The following CSDE1 variants were observed in gnomAD, a reference collection of about 807,000 sequenced individuals.
CSDE1 encodes the protein cold shock domain-containing protein E1.
In CSDE1, 17 loss-of-function variants were observed where a neutral mutation model predicts 89.3. The ratio of observed to expected loss-of-function variants is 0.19; its 90% CI spans 0.13 to 0.29. The LOEUF is 0.29. Ranked by LOEUF, CSDE1 falls within the 10% of genes least tolerant of loss-of-function variation. The pLI is 1.00. For missense variants in CSDE1, 672 were observed against 984.2 expected (o/e 0.68, Z 4.24); for synonymous variants, 322 against 332.8 (o/e 0.97, Z 0.35).
At position 114,717,969 on chromosome 1, in the gene CSDE1, G is replaced by A; in HGVS notation, c.*200C>T. Reference sequence around the variant, plus strand: ...CCTTAAGTTTTTCCAGGCTGCAACTGTGCATTATTTAAAATGGTTTTCTTA... The same window carrying A: ...CCTTAAGTTTTTCCAGGCTGCAACTATGCATTATTTAAAATGGTTTTCTTA... On this transcript the variant is annotated 3_prime_UTR_variant, in exon 20 of 20. Coordinates refer to ENST00000358528, the MANE Select transcript of CSDE1 (RefSeq NM_001007553.3). The A allele has an allele frequency of 1.8e-6, 1 of 569,978 alleles. No homozygotes were observed. The allele number at this position is 569,978 out of a possible 1,614,324, so 35.3% of individuals were successfully genotyped here. A position where few individuals can be genotyped will look rare whatever the true frequency, so the allele number is the denominator to read the frequency against.
Position 114,750,574 on chromosome 1 carries a change from G to T in CSDE1, c.-387-367C>A, listed in dbSNP as rs75605778. On this transcript the variant is annotated intron_variant, in intron 1 of 19. Transcript: ENST00000358528. ...AGAGCATAGACAATCTTGCTGAAAA[G>T]ACAAGATGTAAACATGGAAAAAAAA... 2.4e-4 allele frequency among the ~76,000 whole-genome samples: 37 copies of T among 151,510 alleles called. 1 individual carries two copies. The East Asian group carries it at 6.8e-3, about 28-fold the overall frequency.
chr1:114,741,453 G>C (rs1660723280), intron 2 of CSDE1: 1 of 1,344,416 alleles, frequency 7.4e-7, no homozygotes, highest in Non-Finnish European at 9.8e-7. Context: ...ATTTCAACCA[G>C]AATGAGTGGC....
intron 14 of CSDE1, 96 bp from the exon 15 acceptor site, chr1:114,725,429 T>C: frequency 1.1e-6 from 1 of 933,130 alleles, no homozygotes; most frequent in South Asian, 1.3e-5. Context: ...TGGCATGGCA[T>C]GCTTATTTAC....
intron 1 of CSDE1, among the ~76,000 whole-genome samples, chr1:114,757,669 CACCACCACT>C (rs746483115): frequency 6.6e-6 from 1 of 152,254 alleles, no homozygotes; most frequent in African/African-American, 2.4e-5. Context: ...CTTTAGTCAC[CACCACCACT>C]ACCACCACGC....
At chr1:114,744,265 A>T (rs1467829802) in intron 2 of CSDE1, among the ~76,000 whole-genome samples, 1 of 152,112 alleles carries the variant, frequency 6.6e-6, no homozygotes, top group African/African-American at 2.4e-5. Flanking sequence ...ATTCAAATGA[A>T]CCGAGTTTAA....
At chr1:114,730,906 G>A (rs144185374) in intron 10 of CSDE1, among the ~76,000 whole-genome samples, 12 of 152,226 alleles carry the variant, frequency 7.9e-5, no homozygotes, top group Non-Finnish European at 1.3e-4. Flanking sequence ...ACATGTGAAC[G>A]TAAACACGTG....
intron 7 of CSDE1, 21 bp from the exon 8 acceptor site, chr1:114,734,138 A>G: frequency 6.2e-7 from 1 of 1,601,044 alleles, no homozygotes; most frequent in Non-Finnish European, 8.5e-7. Context: ...ATAAAAAACC[A>G]AGAACATTAT....
rs1309110283 is a variant in CSDE1, at chr1:114,732,487, G to A, written c.1050+117C>T. On this transcript the variant is annotated intron_variant, in intron 10 of 19. Coordinates refer to ENST00000358528, the MANE Select transcript of CSDE1 (RefSeq NM_001007553.3). ...GTATGATTCTTAATCACCTTAACAA[G>A]GTAAATGCCCATTAGGGTCATTTAA... 4 of 848,342 alleles carry A rather than the reference G, an allele frequency of 4.7e-6. No individual in the cohort carries two copies. In the East Asian group the frequency reaches 1.1e-4, roughly 22 times the overall value. The allele number at this position is 848,342 out of a possible 1,614,324, so 52.6% of individuals were successfully genotyped here.
chr1:114,756,006 T>C (rs1661578302), intron 1 of CSDE1, among the ~76,000 whole-genome samples: 1 of 152,026 alleles, frequency 6.6e-6, no homozygotes, highest in Non-Finnish European at 1.5e-5. Context: ...TTTGTTTGTT[T>C]AAAACAAAAA....
At chr1:114,753,083 A>G (rs1490909279) in intron 1 of CSDE1, among the ~76,000 whole-genome samples, 4 of 152,214 alleles carry the variant, frequency 2.6e-5, no homozygotes, top group Non-Finnish European at 5.9e-5. Flanking sequence ...CCAATCAAGA[A>G]ATAATCTCTT....
chr1:114,749,328 C>A (rs940039913), intron 2 of CSDE1, among the ~76,000 whole-genome samples: 2 of 152,180 alleles, frequency 1.3e-5, no homozygotes, highest in Admixed American at 1.3e-4. Flanking sequence ...CTAGCAATGC[C>A]TAACAATACA....
intron 12 of CSDE1, among the ~76,000 whole-genome samples, chr1:114,728,435 T>G (rs539913891): frequency 8.0e-4 from 122 of 151,750 alleles, no homozygotes; most frequent in African/African-American, 2.9e-3. Flanking sequence ...CCTGAGGGAG[T>G]CCAGTGCAGC....
At chr1:114,725,945 C>T (rs180761528) in intron 14 of CSDE1, among the ~76,000 whole-genome samples, 193 of 152,312 alleles carry the variant, frequency 1.3e-3, no homozygotes, top group African/African-American at 4.5e-3. Flanking sequence ...AGACCCCTTA[C>T]TCTTACACTA....
intron 7 of CSDE1, 68 bp downstream of exon 7, chr1:114,734,374 G>T (rs1660278089): frequency 7.4e-7 from 1 of 1,351,612 alleles, no homozygotes; most frequent in South Asian, 1.3e-5. Flanking sequence ...AAAAACAAAG[G>T]CTGGAGTTTG....
Position 114,739,840 on chromosome 1 carries a change from A to C in CSDE1, c.51T>G (p.Pro17=), listed in dbSNP as rs754349335. 3 of 1,613,218 alleles carry C rather than the reference A, an allele frequency of 1.9e-6. No individual in the cohort carries two copies. Among genetic ancestry groups the C allele is most frequent in the South Asian group, 1.1e-5 (1 of 91,066 alleles). ...LLHNNGHNGY[P]NGTSAALRET... is the part of the protein sequence containing the mutation. ...CACGCAGTGCTGCTGAAGTACCATT[A>C]GGGTACCCATTATGTCCATTGTTGT... Residue 17 remains proline, a synonymous_variant, in exon 3 of 20, where the codon CCT becomes CCG. Transcript: ENST00000358528.
At chr1:114,756,336 A>G (rs1049845495) in intron 1 of CSDE1, among the ~76,000 whole-genome samples, 6 of 152,246 alleles carry the variant, frequency 3.9e-5, no homozygotes, top group African/African-American at 1.4e-4. Context: ...CGAAACAAAA[A>G]GAAGGCCAAA....
intron 7 of CSDE1, 105 bp downstream of exon 7, chr1:114,734,337 T>C (rs1440639203): frequency 8.7e-7 from 1 of 1,149,472 alleles, no homozygotes; most frequent in Non-Finnish European, 1.2e-6. Flanking sequence ...TGAAATATTT[T>C]AAAAGGGTAA....
chr1:114,751,043 G>C (rs1470288643), intron 1 of CSDE1, among the ~76,000 whole-genome samples: 2 of 152,330 alleles, frequency 1.3e-5, no homozygotes, highest in East Asian at 3.9e-4. Context: ...AGGTGTAGCG[G>C]AGCCCGATTA....
intron 13 of CSDE1, 74 bp downstream of exon 13, chr1:114,726,909 A>G: frequency 4.2e-6 from 4 of 941,880 alleles, no homozygotes; most frequent in Non-Finnish European, 5.0e-6. Context: ...TAAAATTTGA[A>G]GAACCCATCC....
Sources: allele counts gnomAD v4.1 joint callset (sites outside exome capture counted in the v4.1 genomes callset), GRCh38; gene constraint gnomAD v4.1.1; transcripts MANE v1.5; gene names NCBI Gene and HGNC (gene_info 2026-07-23, HGNC 2026-07-21).